The following WDR7 variants were observed in gnomAD, a reference collection of about 807,000 sequenced individuals.
WDR7 encodes the protein WD repeat domain 7, also known as WD repeat-containing protein 7.
Under a neutral mutation model 169.4 loss-of-function variants are expected in WDR7, and 46 were observed. The ratio of observed to expected loss-of-function variants is 0.27; its 90% confidence interval spans 0.21 to 0.35. The LOEUF (loss-of-function observed/expected upper bound fraction) is 0.35. Among genes scored for constraint, WDR7 ranks in the 10% least tolerant of loss-of-function variants. The pLI is 1.00. For missense variants in WDR7, 1,534 were observed against 1,859.3 expected (o/e 0.83, Z 3.22); for synonymous variants, 612 against 666.8 (o/e 0.92, Z 1.27).
chr18:56,974,255 C>T (rs2047532635), intron 26 of WDR7, among the ~76,000 whole-genome samples: 2 of 152,112 alleles, frequency 1.3e-5, no homozygotes, highest in Admixed American at 6.5e-5. Context: ...TCCTATGTAA[C>T]CTGACTGCAT....
Position 57,027,978 on chromosome 18 carries a change from T to G in WDR7, c.*771T>G, listed in dbSNP as rs1302398399. On this transcript the variant is annotated 3_prime_UTR_variant, in exon 28 of 28. Transcript: ENST00000254442. ...TGATCTAGTTAATGTAATTATCCAG[T>G]CACTGTAACTAATCTCTTGAAGGGA... 6.6e-6 allele frequency: 1 copy of G among 152,206 alleles called. No homozygotes were observed. Among genetic ancestry groups the G allele is most frequent in the Non-Finnish European group, 1.5e-5 (1 of 68,032 alleles). The allele number at this position is 152,206 out of a possible 1,614,324, so 9.4% of individuals were successfully genotyped here.
chr18:56,882,863 G>A (rs1479099170), intron 21 of WDR7, among the ~76,000 whole-genome samples: 1 of 152,192 alleles, frequency 6.6e-6, no homozygotes, highest in Non-Finnish European at 1.5e-5. Flanking sequence ...TTTCCTGCAA[G>A]GAGAGTGAAA....
chr18:56,752,330 G>A (rs2043807999), intron 14 of WDR7, among the ~76,000 whole-genome samples: 1 of 152,100 alleles, frequency 6.6e-6, no homozygotes, highest in Admixed American at 6.5e-5. Context: ...TCTGGCCATT[G>A]TTCTGCCAGG....
At chr18:56,657,393 C>T (rs777653817) in intron 1 of WDR7, among the ~76,000 whole-genome samples, 2 of 152,128 alleles carry the variant, frequency 1.3e-5, no homozygotes, top group Non-Finnish European at 2.9e-5. Context: ...AGGTTATCCT[C>T]CCACCTAGGC....
chr18:56,893,979 C>T (rs914248868), intron 21 of WDR7, among the ~76,000 whole-genome samples: 2 of 152,090 alleles, frequency 1.3e-5, no homozygotes, highest in Non-Finnish European at 2.9e-5. Context: ...TAAACCTATT[C>T]TACTTGTGGC....
chr18:56,935,044 A>G (rs1309444689), intron 22 of WDR7, among the ~76,000 whole-genome samples: 1 of 152,144 alleles, frequency 6.6e-6, no homozygotes. Flanking sequence ...TGGGGAGTGA[A>G]TATAGCATCA....
At chr18:56,759,486 C>T (rs943584032) in intron 16 of WDR7, among the ~76,000 whole-genome samples, 4 of 152,064 alleles carry the variant, frequency 2.6e-5, no homozygotes, top group African/African-American at 9.7e-5. Context: ...TTGAGTTTCT[C>T]TTCCTCTACT....
intron 21 of WDR7, among the ~76,000 whole-genome samples, chr18:56,912,881 A>AT (rs780826650): frequency 0.019 from 2,723 of 144,790 alleles, 63 homozygotes; most frequent in African/African-American, 0.046. Context: ...TTTTAATTTA[A>AT]TTTTTTTTTT....
chr18:56,719,810 T>C (rs2026280885), intron 13 of WDR7, among the ~76,000 whole-genome samples: 1 of 152,174 alleles, frequency 6.6e-6, no homozygotes, highest in Non-Finnish European at 1.5e-5. Context: ...TATTTGTCCC[T>C]CAATTTCCTC....
intron 20 of WDR7, among the ~76,000 whole-genome samples, chr18:56,840,754 G>A (rs958250591): frequency 2.6e-5 from 4 of 151,926 alleles, no homozygotes; most frequent in Admixed American, 2.6e-4. Flanking sequence ...GAGAGGTTGA[G>A]GCTACAGTAA....
At chr18:56,918,963 T>G (rs560983795) in intron 21 of WDR7, among the ~76,000 whole-genome samples, 240 of 152,310 alleles carry the variant, frequency 1.6e-3, no homozygotes, top group African/African-American at 5.0e-3. Flanking sequence ...GGTAAATTAA[T>G]AAATAAATAA....
rs193008675 is a variant in WDR7, at chr18:56,747,888, G to C, written c.1990-8695G>C. ...TTGTTCATCACAGTGACCCAAGGTT[G>C]ATTAGGGCAGTTTTTTTTTTCTTCT... On this transcript the variant is annotated intron_variant, in intron 14 of 27. Transcript: ENST00000254442. 2.8e-3 allele frequency among the ~76,000 whole-genome samples: 428 copies of C among 152,200 alleles called. 3 individuals carry two copies. Among genetic ancestry groups the C allele is most frequent in the Non-Finnish European group, 1.9e-3 (129 of 67,982 alleles).
chr18:57,020,115 G>C (rs2048267099), intron 26 of WDR7, among the ~76,000 whole-genome samples: 1 of 152,188 alleles, frequency 6.6e-6, no homozygotes, highest in Non-Finnish European at 1.5e-5. Flanking sequence ...CTATTTGGCA[G>C]AGGTTCAAAA....
intron 16 of WDR7, among the ~76,000 whole-genome samples, chr18:56,776,017 G>A (rs918193311): frequency 5.3e-5 from 8 of 152,162 alleles, no homozygotes; most frequent in Non-Finnish European, 8.8e-5. Context: ...GTTGTAGAAT[G>A]TGTGTGCCAT....
At chr18:56,755,377 A>G (rs1022296996) in intron 14 of WDR7, among the ~76,000 whole-genome samples, 11 of 152,148 alleles carry the variant, frequency 7.2e-5, no homozygotes, top group African/African-American at 2.7e-4. Context: ...GTAGAGTGAC[A>G]TGATTAGATT....
At chr18:56,936,532 A>C (rs1007272185) in intron 23 of WDR7, among the ~76,000 whole-genome samples, 4 of 152,210 alleles carry the variant, frequency 2.6e-5, no homozygotes, top group African/African-American at 4.8e-5. Context: ...CCATTTCAGC[A>C]TGAATAATGG....
At chr18:56,797,030 T>C (rs1182177839) in intron 19 of WDR7, among the ~76,000 whole-genome samples, 1 of 152,150 alleles carries the variant, frequency 6.6e-6, no homozygotes. Flanking sequence ...TCATCATGCC[T>C]TTCTTTCCCT....
intron 20 of WDR7, among the ~76,000 whole-genome samples, chr18:56,843,061 T>C (rs2045511367): frequency 6.6e-6 from 1 of 152,222 alleles, no homozygotes; most frequent in Non-Finnish European, 1.5e-5. Context: ...TTCATCCCGT[T>C]ACCTCTGAAC....
At chr18:56,784,375 G>A (rs528191735) in intron 19 of WDR7, among the ~76,000 whole-genome samples, 4 of 152,290 alleles carry the variant, frequency 2.6e-5, no homozygotes, top group South Asian at 2.1e-4. Context: ...GGGTAAAGGT[G>A]CACATTGCTG....
Sources: allele counts gnomAD v4.1 joint callset (sites outside exome capture counted in the v4.1 genomes callset), GRCh38; gene constraint gnomAD v4.1.1; transcripts MANE v1.5; gene names NCBI Gene and HGNC (gene_info 2026-07-23, HGNC 2026-07-21).